The following ADGRE5 variants were observed in gnomAD, a reference collection of about 807,000 sequenced individuals.
The protein encoded by ADGRE5 is adhesion G protein-coupled receptor E5.
ADGRE5 carries 72 observed loss-of-function variants against 100.3 expected under a neutral mutation model. That is an observed-to-expected ratio of 0.72 (90% CI 0.59 to 0.87). ADGRE5 has a LOEUF of 0.87. ADGRE5 is among the 40% of genes least tolerant of loss of function. ADGRE5 has a pLI of 0.00. For synonymous variants in ADGRE5, 439 were observed against 447.8 expected (o/e 0.98, Z 0.25); for missense variants, 959 against 1,094.7 (o/e 0.88, Z 1.75).
At position 14,402,755 on chromosome 19, in the gene ADGRE5, A is replaced by T. The variant is rs747983615; in HGVS notation, c.1342A>T (p.Ile448Phe). 2 of 1,614,090 alleles carry T rather than the reference A, an allele frequency of 1.2e-6. No homozygotes were observed. The highest frequency in any genetic ancestry group is 1.7e-6 in the Non-Finnish European group (2 of 1,180,022). Reference protein sequence around the residue: ...QLRRLSAVNSIFLSHNNTKEL... With the variant: ...QLRRLSAVNSFFLSHNNTKEL... ...CAGACGCCTCTCTGCCGTCAACTCC[A>T]TCTTTCTGAGCCACAACAACACCAA... is the stretch of plus-strand genomic sequence containing the variant. Residue 448 changes from isoleucine to phenylalanine, a missense_variant, in exon 12 of 20, where the codon ATC (isoleucine) becomes TTC (phenylalanine). Transcript: ENST00000242786.
intron 5 of ADGRE5, 35 bp downstream of exon 5, chr19:14,396,508 G>C (rs199941263): frequency 6.2e-7 from 1 of 1,613,454 alleles, no homozygotes; most frequent in Non-Finnish European, 8.5e-7. Context: ...GAGGCTGGAC[G>C]GGAGCTGGGG....
chr19:14,388,430 C>T lies in ADGRE5; in HGVS notation c.23-20C>T. The T allele has an allele frequency of 6.4e-7, 1 of 1,567,632 alleles. No individual in the cohort carries two copies. Among genetic ancestry groups the T allele is most frequent in the South Asian group, 1.2e-5 (1 of 85,898 alleles). On this transcript the variant is annotated intron_variant, in intron 1 of 19. Transcript: ENST00000242786. ...CCACCCTGGGATCCCCTCTGACCCC[C>T]TTTCCTTTCTCTGTTGCAGCATTCT...
chr19:14,398,375 A>G (rs4517893), intron 9 of ADGRE5: 389,769 of 525,578 alleles, frequency 0.74, 145,402 homozygotes, highest in East Asian at 0.84. Flanking sequence ...AGCACTTAAG[A>G]ACCTGGAGTT....
chr19:14,404,647 C>A, intron 13 of ADGRE5, 85 bp downstream of exon 13: 1 of 1,336,332 alleles, frequency 7.5e-7, no homozygotes, highest in Non-Finnish European at 1.0e-6. Context: ...CCATGGAGCC[C>A]TACTGGTTGC....
intron 9 of ADGRE5, among the ~76,000 whole-genome samples, chr19:14,400,016 AT>A (rs201971914): frequency 0.061 from 8,512 of 139,820 alleles, 392 homozygotes; most frequent in Admixed American, 0.14. Context: ...TAATTTTTTC[AT>A]TTTTTTTTTT....
At chr19:14,385,991 G>A (rs999819711) in intron 1 of ADGRE5, among the ~76,000 whole-genome samples, 18 of 151,634 alleles carry the variant, frequency 1.2e-4, no homozygotes, top group Non-Finnish European at 8.8e-5. Flanking sequence ...GGCTGGTCTC[G>A]AACTCCCGAT....
In ADGRE5 at chr19:14,407,173, C is replaced by T; in HGVS notation, c.2320C>T (p.Leu774Phe). Residue 774 changes from leucine (L) to phenylalanine (F), a missense_variant, in exon 18 of 20, where the codon CTC (leucine) becomes TTC (phenylalanine). Physicochemically the swap from Leu to Phe is conservative, Grantham distance 22. Around this residue, in one of 6 missense-constraint regions of ADGRE5, gnomAD observed 428 missense variants for 386.2 expected, o/e 1.11. Coordinates refer to ENST00000242786, the MANE Select transcript of ADGRE5 (RefSeq NM_078481.4). ...GGTGCTGACCTATGTGTTTACCATCCTCAACTGCCTGCAGGGCGCCTTCCT... is the reference window on the plus strand; with the variant it reads ...GGTGCTGACCTATGTGTTTACCATCTTCAACTGCCTGCAGGGCGCCTTCCT... ...SLVLTYVFTILNCLQGAFLYL... is the reference protein window; with the variant it reads ...SLVLTYVFTIFNCLQGAFLYL... The T allele has an allele frequency of 2.5e-6, 4 of 1,614,164 alleles. No homozygotes were observed. The highest frequency in any genetic ancestry group is 3.4e-6 in the Non-Finnish European group (4 of 1,180,042).
rs199578879 is a variant in ADGRE5 at position 14,402,736 on chromosome 19, C to A, written c.1323C>A (p.Arg441=). 1 of 1,614,002 alleles carries A rather than the reference C, an allele frequency of 6.2e-7. No individual in the cohort carries two copies. The highest frequency in any genetic ancestry group is 1.7e-5 in the Admixed American group (1 of 59,968). ...GCATCCGTGGTGTCCAACTCAGACGCCTCTCTGCCGTCAACTCCATCTTTC... is the reference window on the plus strand; with the variant it reads ...GCATCCGTGGTGTCCAACTCAGACGACTCTCTGCCGTCAACTCCATCTTTC... ...ESSIRGVQLR[R]LSAVNSIFLS... is the part of the protein sequence containing the mutation. The change falls in exon 12 of 20, where the codon CGC becomes CGA. Residue 441 remains arginine (R), a synonymous_variant. Transcript: ENST00000242786.
rs759430975 is a variant in ADGRE5 at position 14,405,732 on chromosome 19, C to G, written c.1630-16C>G. Reference sequence around the variant, plus strand: ...CATGCCCTGAAGGAACCCTGAGCACCCGGTGCCACTCCTAGGACTGGAAGC... The same window carrying G: ...CATGCCCTGAAGGAACCCTGAGCACGCGGTGCCACTCCTAGGACTGGAAGC... On this transcript the variant is annotated splice_polypyrimidine_tract_variant and intron_variant, in intron 13 of 19. Coordinates refer to ENST00000242786, the MANE Select transcript of ADGRE5 (RefSeq NM_078481.4). 63 of 1,599,426 alleles carry G rather than the reference C, an allele frequency of 3.9e-5. 1 individual carries two copies. In the South Asian group the frequency reaches 7.0e-4, roughly 18 times the overall value.
At position 14,405,891 on chromosome 19, in the gene ADGRE5, C is replaced by G; in HGVS notation, c.1773C>G (p.Phe591Leu). The change falls in exon 14 of 20, where the codon TTC (phenylalanine) becomes TTG (leucine). Residue 591 changes from phenylalanine to leucine, a missense_variant. This residue lies in a region of ADGRE5 where 428 missense variants were observed against 386.2 expected (regional missense o/e 1.11). Coordinates refer to ENST00000242786, the MANE Select transcript of ADGRE5 (RefSeq NM_078481.4). ...ACCTGCACCTCTGCATCTGCCTCTTCGTGGGCTCCACCATCTTCCTGGCCG... is the reference window on the plus strand; with the variant it reads ...ACCTGCACCTCTGCATCTGCCTCTTGGTGGGCTCCACCATCTTCCTGGCCG... ...TIHLHLCICL[F>L]VGSTIFLAGI... 1 of 1,611,800 alleles carries G rather than the reference C, an allele frequency of 6.2e-7. No individual in the cohort carries two copies. The highest frequency in any genetic ancestry group is 1.3e-5 in the African/African-American group (1 of 75,066).
rs1387005026 is a variant in ADGRE5, at chr19:14,401,708, C to G, written c.1131C>G (p.Ser377Arg). The change falls in exon 11 of 20, where the codon AGC (serine) becomes AGG (arginine). Residue 377 changes from serine to arginine, a missense_variant. Physicochemically the swap from Ser to Arg is moderately radical, Grantham distance 110. Transcript: ENST00000242786. The surrounding 1 kb of genome is among the most constrained non-coding windows in gnomAD (Gnocchi z 4.1). ...RGDKNVTMGQ[S>R]SARMKLNWAV... ...ACAAGAACGTCACTATGGGTCAGAG[C>G]AGCGCACGCATGAAGCTGAATTGGG... 8.8e-6 allele frequency: 14 copies of G among 1,583,810 alleles called. No homozygotes were observed. In the Admixed American group the frequency reaches 2.0e-4, roughly 23 times the overall value.
rs535866523 is a variant in ADGRE5, at chr19:14,408,429, G to A, written c.*308G>A. The A allele has an allele frequency of 1.9e-4, 109 of 584,022 alleles. No individual in the cohort carries two copies. Among genetic ancestry groups the A allele is most frequent in the African/African-American group, 7.8e-4 (42 of 53,720 alleles). 36.2% of individuals were successfully genotyped at this position (584,022 alleles called of 1,614,324 possible). ...GCCCTGGCACCTGTGGCCAGTACTC[G>A]GGACAGACTAAGGGCGCTTGTCCCA... On this transcript the variant is annotated 3_prime_UTR_variant, in exon 20 of 20. Transcript: ENST00000242786.
intron 1 of ADGRE5, 33 bp from the exon 2 acceptor site, chr19:14,388,417 C>T (rs1225582371): frequency 1.3e-6 from 2 of 1,503,992 alleles, no homozygotes; most frequent in Admixed American, 2.4e-5. Flanking sequence ...ACCCTGGGAT[C>T]CCCTCTGACC....
Position 14,406,363 on chromosome 19 carries a change from G to C in ADGRE5, c.1854G>C (p.Leu618=). Residue 618 remains leucine (L), a synonymous_variant, in exon 15 of 20, where the codon CTG becomes CTC. Coordinates refer to ENST00000242786, the MANE Select transcript of ADGRE5 (RefSeq NM_078481.4). This position sits in a 1 kb window ranked among gnomAD's most constrained non-coding sequence, Gnocchi z 6.0. ...TGCGCTGCCGCCTGGTGGCCGGGCTGCTGCACTACTGTTTCCTGGCCGCCT... is the reference window on the plus strand; with the variant it reads ...TGCGCTGCCGCCTGGTGGCCGGGCTCCTGCACTACTGTTTCCTGGCCGCCT... ...VGLRCRLVAG[L]LHYCFLAAFC... 1 of 1,581,996 alleles carries C rather than the reference G, an allele frequency of 6.3e-7. No homozygotes were observed. The highest frequency in any genetic ancestry group is 8.6e-7 in the Non-Finnish European group (1 of 1,165,690).
At chr19:14,385,405 C>T (rs1161029960) in intron 1 of ADGRE5, among the ~76,000 whole-genome samples, 1 of 152,116 alleles carries the variant, frequency 6.6e-6, no homozygotes, top group Non-Finnish European at 1.5e-5. Flanking sequence ...GTCTGTCTCT[C>T]TCTCTCTCTA....
chr19:14,401,391 C>T lies in ADGRE5; in HGVS notation c.903C>T (p.Val301=), dbSNP rs1243964324. 1 of 1,613,878 alleles carries T rather than the reference C, an allele frequency of 6.2e-7. No individual in the cohort carries two copies. The highest frequency in any genetic ancestry group is 1.7e-4 in the Middle Eastern group (1 of 6,060). Residue 301 remains valine, a synonymous_variant, in exon 10 of 20, where the codon GTC becomes GTT. Coordinates refer to ENST00000242786, the MANE Select transcript of ADGRE5 (RefSeq NM_078481.4). The surrounding 1 kb of genome is among the most constrained non-coding windows in gnomAD (Gnocchi z 4.1). ...TGTCACCCGCCACCCCCTAGAATGT[C>T]ATCAAATTGGTGGATGAACTGATGG... ...TSSAEVTIQN[V]IKLVDELMEA... is the part of the protein sequence containing the mutation.
At chr19:14,394,208 G>T (rs953995578) in intron 4 of ADGRE5, among the ~76,000 whole-genome samples, 6 of 152,172 alleles carry the variant, frequency 3.9e-5, no homozygotes, top group Admixed American at 3.3e-4. Context: ...GGACCTCCAC[G>T]GACATCAAAG....
rs537262542 is a variant in ADGRE5 at position 14,401,498 on chromosome 19, T to C, written c.1010T>C (p.Ile337Thr). The change falls in exon 10 of 20, where the codon ATC (isoleucine) becomes ACC (threonine). Residue 337 changes from isoleucine to threonine, a missense_variant. This residue lies in a region of ADGRE5 where 246 missense variants were observed against 242.2 expected (regional missense o/e 1.02). Transcript: ENST00000242786. This position sits in a 1 kb window ranked among gnomAD's most constrained non-coding sequence, Gnocchi z 4.1. ...CAGCTGCTCTCAAACCTTGAAGATA[T>C]CATGAGGATCCTGGCCAAGAGCCTG... Reference protein sequence around the residue: ...ATQLLSNLEDIMRILAKSLPK... With the variant: ...ATQLLSNLEDTMRILAKSLPK... The C allele has an allele frequency of 1.2e-6, 2 of 1,614,120 alleles. No homozygotes were observed. The highest frequency in any genetic ancestry group is 1.1e-5 in the South Asian group (1 of 91,080).
chr19:14,381,798 G>A (rs1299893936), intron 1 of ADGRE5, among the ~76,000 whole-genome samples: 1 of 152,132 alleles, frequency 6.6e-6, no homozygotes, highest in Non-Finnish European at 1.5e-5. Flanking sequence ...GCTTTCTACT[G>A]GAGCCAGTCT....
Sources: allele counts gnomAD v4.1 joint callset (sites outside exome capture counted in the v4.1 genomes callset), GRCh38; gene constraint gnomAD v4.1.1; regional missense constraint gnomAD v4.1.1; non-coding constraint Gnocchi (gnomAD v3.1); transcripts MANE v1.5; gene names NCBI Gene and HGNC (gene_info 2026-07-23, HGNC 2026-07-21).